NUP85: variants seen among roughly 807,000 people sequenced by gnomAD.
NUP85 encodes nucleoporin 85, also known as nuclear pore complex protein Nup85.
A neutral mutation model predicts 92.8 loss-of-function variants in NUP85; 23 were observed. That is an observed-to-expected ratio of 0.25 (90% confidence interval 0.18 to 0.35). The LOEUF is 0.35. Ranked by LOEUF, NUP85 falls within the 10% of genes least tolerant of loss-of-function variation. The pLI, the probability that NUP85 is intolerant of heterozygous loss-of-function variation, is 1.00. For missense variants in NUP85, 759 were observed against 822.8 expected (o/e 0.92, Z 0.95); for synonymous variants, 314 against 306.9 (o/e 1.02, Z -0.24).
chr17:75,225,162 A>G lies in NUP85; in HGVS notation c.657A>G (p.Glu219=), dbSNP rs749972360. Residue 219 remains glutamate (E), a synonymous_variant, in exon 8 of 19, where the codon GAA becomes GAG. Transcript: ENST00000245544. The stretch of plus-strand genomic sequence containing the variant: ...AGGCCCGACAGATGCTCTCCAAGGA[A>G]GCCGATGCCAGCCCCGCCTCTGCAG... ...LDEARQMLSK[E]ADASPASAGI... 6.2e-7 allele frequency: 1 copy of G among 1,604,666 alleles called. No individual in the cohort carries two copies. The highest frequency in any genetic ancestry group is 1.1e-5 in the South Asian group (1 of 89,700).
chr17:75,235,418 C>A, intron 18 of NUP85, 160 bp from the exon 19 acceptor site: 1 of 618,302 alleles, frequency 1.6e-6, no homozygotes. Flanking sequence ...TTCATCATTT[C>A]CAGTATGGCC....
chr17:75,211,780 TG>T (rs1254879958), intron 3 of NUP85, among the ~76,000 whole-genome samples: 4 of 152,172 alleles, frequency 2.6e-5, no homozygotes, highest in Non-Finnish European at 4.4e-5. Flanking sequence ...AATGGCAGTA[TG>T]GGTTTGTGGA....
rs770310989 is a variant in NUP85, at chr17:75,205,736, C to T, written c.-26C>T. The T allele has an allele frequency of 1.1e-5, 17 of 1,614,042 alleles. No individual in the cohort carries two copies. Among genetic ancestry groups the T allele is most frequent in the Non-Finnish European group, 1.4e-5 (17 of 1,180,022 alleles). On this transcript the variant is annotated 5_prime_UTR_variant, in exon 1 of 19. Coordinates refer to ENST00000245544, the MANE Select transcript of NUP85 (RefSeq NM_024844.5). ...GCGGGAAGCATTGGCGTCCGAGCGA[C>T]TTCTAGGAGCCTGGGGTTCGGCGCT...
chr17:75,211,971 G>A (rs768673656), intron 3 of NUP85, 21 bp from the exon 4 acceptor site: 3 of 1,590,304 alleles, frequency 1.9e-6, no homozygotes, highest in South Asian at 1.1e-5. Context: ...CTCATCTTGT[G>A]TGTTATTTCA....
chr17:75,232,638 C>T (rs1316176104), intron 14 of NUP85, among the ~76,000 whole-genome samples: 1 of 152,148 alleles, frequency 6.6e-6, no homozygotes. Flanking sequence ...CTCATAGAGC[C>T]AGTCTTGCCG....
intron 3 of NUP85, among the ~76,000 whole-genome samples, chr17:75,211,233 C>T (rs1253604053): frequency 6.6e-6 from 1 of 151,472 alleles, no homozygotes; most frequent in Admixed American, 6.6e-5. Context: ...GAACTCCTGA[C>T]CTCAAGTGAT....
intron 16 of NUP85, 47 bp downstream of exon 16, chr17:75,233,205 G>C (rs768099070): frequency 6.6e-7 from 1 of 1,513,890 alleles, no homozygotes; most frequent in South Asian, 1.1e-5. Context: ...CAAGTGGGTA[G>C]TTGGGGAGGT....
At chr17:75,217,693 G>A (rs1358148413) in intron 6 of NUP85, among the ~76,000 whole-genome samples, 1 of 152,138 alleles carries the variant, frequency 6.6e-6, no homozygotes, top group Non-Finnish European at 1.5e-5. Flanking sequence ...TTTTAGTAGA[G>A]ACAGGGTTTC....
At chr17:75,220,217 G>T (rs998862104) in intron 7 of NUP85, among the ~76,000 whole-genome samples, 1 of 149,732 alleles carries the variant, frequency 6.7e-6, no homozygotes, top group African/African-American at 2.5e-5. Flanking sequence ...CTCTGCCTCC[G>T]GGGTTCAAGT....
intron 1 of NUP85, among the ~76,000 whole-genome samples, chr17:75,206,631 G>GA (rs1327488358): frequency 1.3e-5 from 2 of 152,120 alleles, no homozygotes; most frequent in African/African-American, 4.8e-5. Flanking sequence ...TTTTACCTGT[G>GA]AAAAGAGGGA....
At chr17:75,221,413 A>G (rs1169137829) in intron 7 of NUP85, among the ~76,000 whole-genome samples, 1 of 152,062 alleles carries the variant, frequency 6.6e-6, no homozygotes, top group Non-Finnish European at 1.5e-5. Context: ...TGCTGGGATT[A>G]CAGGCTTGAG....
chr17:75,209,513 G>A (rs1315462364), intron 2 of NUP85, among the ~76,000 whole-genome samples: 1 of 146,958 alleles, frequency 6.8e-6, no homozygotes, highest in Non-Finnish European at 1.5e-5. Context: ...GTGTGATCTC[G>A]GCTCACTGCC....
At position 75,215,778 on chromosome 17, in the gene NUP85, C is replaced by G. The variant is rs749005445; in HGVS notation, c.430C>G (p.Leu144Val). The G allele has an allele frequency of 4.3e-5, 70 of 1,613,940 alleles. No individual in the cohort carries two copies. The highest frequency in any genetic ancestry group is 5.5e-5 in the Non-Finnish European group (65 of 1,179,912). ...SQVSILSAME[L>V]IWNLCEILFI... is the part of the protein sequence containing the mutation. Reference sequence around the variant, plus strand: ...GGTCTCCATTTTGTCAGCAATGGAGCTCATCTGGAACCTGTGTGAGATTCT... The same window carrying G: ...GGTCTCCATTTTGTCAGCAATGGAGGTCATCTGGAACCTGTGTGAGATTCT... The change falls in exon 6 of 19, where the codon CTC becomes GTC. Residue 144 changes from leucine to valine, a missense_variant. Leu to Val is a conservative substitution (Grantham distance 32). Transcript: ENST00000245544.
At chr17:75,228,713 C>CT (rs1385408305) in intron 11 of NUP85, 2 of 984,898 alleles carry the variant, frequency 2.0e-6, no homozygotes, top group Non-Finnish European at 1.2e-6. Context: ...AGGTTTCTTT[C>CT]TTTTTTTTCC....
Position 75,228,771 on chromosome 17 carries a change from T to C in NUP85, c.1095-2569T>C, listed in dbSNP as rs994712908. The C allele has an allele frequency of 5.1e-6, 5 of 985,322 alleles. No homozygotes were observed. In the African/African-American group the frequency reaches 8.7e-5, roughly 17 times the overall value. 61.0% of individuals were successfully genotyped at this position (985,322 alleles called of 1,614,324 possible). A position where few individuals can be genotyped will look rare whatever the true frequency, so the allele number is the denominator to read the frequency against. ...TATGAACATGGAGAAGGGAGGTTTC[T>C]AAGTGGGCCCCTGATTTACTCCTAT... is the stretch of plus-strand genomic sequence containing the variant. On this transcript the variant is annotated intron_variant, in intron 11 of 18. Coordinates refer to ENST00000245544, the MANE Select transcript of NUP85 (RefSeq NM_024844.5).
In NUP85 at chr17:75,231,805, C is replaced by T. The variant is rs1319023739; in HGVS notation, c.1245-23C>T. The T allele has an allele frequency of 2.5e-6, 4 of 1,613,566 alleles. No homozygotes were observed. The highest frequency in any genetic ancestry group is 3.4e-6 in the Non-Finnish European group (4 of 1,179,816). ...GGAGCCATGAGGCAGCACCTCATGT[C>T]TGTCCTCCTCGAACCTTTGCAGCCT... On this transcript the variant is annotated intron_variant, in intron 13 of 18. Transcript: ENST00000245544. This position sits in a 1 kb window ranked among gnomAD's most constrained non-coding sequence, Gnocchi z 4.6.
At chr17:75,234,579 G>A in intron 16 of NUP85, 58 bp from the exon 17 acceptor site, 1 of 1,589,134 alleles carries the variant, frequency 6.3e-7, no homozygotes, top group South Asian at 1.1e-5. Flanking sequence ...TTTTGTAGGT[G>A]TCACTTGGGC....
chr17:75,233,267 G>C, intron 16 of NUP85, 109 bp downstream of exon 16: 2 of 829,454 alleles, frequency 2.4e-6, no homozygotes, highest in Non-Finnish European at 3.9e-6. Context: ...TATTCCCATT[G>C]CATCAGTGGT....
intron 11 of NUP85, chr17:75,229,106 G>A (rs2075941398): frequency 1.0e-6 from 1 of 985,334 alleles, no homozygotes; most frequent in South Asian, 4.7e-5. Flanking sequence ...TGCCCTTCAA[G>A]TCCTCCAAAA....
Sources: gnomAD v4.1 joint callset for allele counts (sites outside exome capture counted in the v4.1 genomes callset) on GRCh38, gnomAD v4.1.1 for gene constraint, Gnocchi (gnomAD v3.1) non-coding constraint, MANE v1.5 for transcripts, NCBI Gene and HGNC (gene_info 2026-07-23, HGNC 2026-07-21) for gene names.